The following CDH8 variants were observed in gnomAD, a reference collection of about 807,000 sequenced individuals.
CDH8 encodes the protein cadherin-8.
CDH8 carries 17 observed loss-of-function variants against 68.1 expected under a neutral mutation model. That is an observed-to-expected ratio of 0.25 (90% CI 0.17 to 0.37). CDH8 has a LOEUF of 0.37. Ranked by LOEUF, CDH8 falls within the 10% of genes least tolerant of loss-of-function variation. The pLI is 1.00. For synonymous variants in CDH8, 372 were observed against 365.1 expected (o/e 1.02, Z -0.21); for missense variants, 763 against 999.3 (o/e 0.76, Z 3.19).
intron 8 of CDH8, among the ~76,000 whole-genome samples, chr16:61,773,252 C>T (rs912279002): frequency 2.0e-5 from 3 of 152,002 alleles, no homozygotes. Flanking sequence ...ACTGTCTATC[C>T]CATGTAGTGG....
chr16:61,952,872 G>C (rs763770733), intron 2 of CDH8, among the ~76,000 whole-genome samples: 1 of 152,172 alleles, frequency 6.6e-6, no homozygotes, highest in African/African-American at 2.4e-5. Flanking sequence ...TGGATACAAA[G>C]AGATGACTTA....
chr16:61,791,775 ATGT>A (rs1035182376), intron 7 of CDH8, among the ~76,000 whole-genome samples: 1 of 152,064 alleles, frequency 6.6e-6, no homozygotes, highest in Non-Finnish European at 1.5e-5. Context: ...CATTTAAAAA[ATGT>A]TGTTGTTTGT....
At chr16:61,988,211 A>T (rs940809594) in intron 2 of CDH8, among the ~76,000 whole-genome samples, 2 of 140,324 alleles carry the variant, frequency 1.4e-5, no homozygotes, top group Admixed American at 1.5e-4. Context: ...GTTATATTTT[A>T]AAAAATAACA....
chr16:61,849,058 C>T (rs942563098), intron 4 of CDH8, among the ~76,000 whole-genome samples: 1 of 152,012 alleles, frequency 6.6e-6, no homozygotes, highest in African/African-American at 2.4e-5. Flanking sequence ...ACACTGGCCA[C>T]CAGCACAGTT....
At chr16:61,766,768 A>T (rs1960606754) in intron 8 of CDH8, among the ~76,000 whole-genome samples, 1 of 151,984 alleles carries the variant, frequency 6.6e-6, no homozygotes, top group Non-Finnish European at 1.5e-5. Context: ...TGGAGATAAC[A>T]TAACCTACCT....
chr16:62,008,489 T>A (rs915896714), intron 2 of CDH8, among the ~76,000 whole-genome samples: 10 of 152,026 alleles, frequency 6.6e-5, no homozygotes, highest in African/African-American at 2.2e-4. Flanking sequence ...ATAGGAACAT[T>A]TAAATGCATT....
rs1959480708 is a variant in CDH8 at position 61,729,695 on chromosome 16, T to G, written c.1415-2480A>C. Among the ~76,000 whole-genome samples, 3 of 151,416 alleles carry G rather than the reference T, an allele frequency of 2.0e-5. No homozygotes were observed. The South Asian group carries it at 6.2e-4, about 31-fold the overall frequency. ...GTGTGTGTAAATAATTAAAGAAACT[T>G]CTACTAGATATTTTTACTTTAATCT... is the stretch of plus-strand genomic sequence containing the variant. On this transcript the variant is annotated intron_variant, in intron 8 of 11. Transcript: ENST00000577390.
intron 10 of CDH8, among the ~76,000 whole-genome samples, chr16:61,657,898 G>A (rs1359647925): frequency 6.6e-6 from 1 of 151,934 alleles, no homozygotes; most frequent in African/African-American, 2.4e-5. Flanking sequence ...AGCATTGGTG[G>A]GTCTAACACT....
intron 10 of CDH8, chr16:61,711,759 A>G (rs1175581801): frequency 1.3e-5 from 2 of 151,744 alleles, no homozygotes; most frequent in Admixed American, 1.3e-4. Flanking sequence ...TAAATCCAAA[A>G]TCACAGTGAA....
chr16:61,676,676 A>C (rs2142790466), intron 10 of CDH8, among the ~76,000 whole-genome samples: 1 of 152,194 alleles, frequency 6.6e-6, no homozygotes, highest in South Asian at 2.1e-4. Flanking sequence ...AAGACTGAAT[A>C]TTTTTCCAAA....
At chr16:61,720,217 T>A (rs913168889) in intron 9 of CDH8, among the ~76,000 whole-genome samples, 1 of 150,902 alleles carries the variant, frequency 6.6e-6, no homozygotes, top group East Asian at 2.0e-4. Flanking sequence ...GTCTTCCCAG[T>A]ATTATCTCAG....
At chr16:61,702,392 GA>G (rs1964449315) in intron 10 of CDH8, among the ~76,000 whole-genome samples, 1 of 150,082 alleles carries the variant, frequency 6.7e-6, no homozygotes, top group African/African-American at 2.4e-5. Flanking sequence ...AAAAAAAAAA[GA>G]AAAAAGAAAA....
In CDH8 at chr16:61,649,384, C is replaced by A. The variant is rs887118333; in HGVS notation, c.*4224G>T. The A allele has an allele frequency of 3.3e-5, 5 of 151,350 alleles. No individual in the cohort carries two copies. The highest frequency in any genetic ancestry group is 7.4e-5 in the Non-Finnish European group (5 of 67,846). The allele number at this position is 151,350 out of a possible 1,614,324, so 9.4% of individuals were successfully genotyped here. A position where few individuals can be genotyped will look rare whatever the true frequency, so the allele number is the denominator to read the frequency against. On this transcript the variant is annotated 3_prime_UTR_variant, in exon 12 of 12. Coordinates refer to ENST00000577390, the MANE Select transcript of CDH8 (RefSeq NM_001796.5). ...ATGAAAAATTAAAACTATAAATTAT[C>A]CCCAGTAACTGAATTGTGTATATAT...
At chr16:61,669,156 A>G (rs897391585) in intron 10 of CDH8, among the ~76,000 whole-genome samples, 1 of 152,072 alleles carries the variant, frequency 6.6e-6, no homozygotes, top group Non-Finnish European at 1.5e-5. Context: ...ATTCACACAT[A>G]TGAAAATAAG....
chr16:61,782,095 C>T (rs1034115116), intron 8 of CDH8, among the ~76,000 whole-genome samples: 1 of 152,162 alleles, frequency 6.6e-6, no homozygotes, highest in Non-Finnish European at 1.5e-5. Flanking sequence ...GCCAAGATGG[C>T]CGAATAGGAA....
At chr16:61,952,815 T>C (rs926375116) in intron 2 of CDH8, among the ~76,000 whole-genome samples, 9 of 151,956 alleles carry the variant, frequency 5.9e-5, no homozygotes, top group African/African-American at 2.2e-4. Flanking sequence ...TCAAATTATA[T>C]CCCCTCTATG....
At chr16:61,909,675 A>G (rs1964126137) in intron 2 of CDH8, among the ~76,000 whole-genome samples, 1 of 152,194 alleles carries the variant, frequency 6.6e-6, no homozygotes, top group Non-Finnish European at 1.5e-5. Context: ...AAGCCTCTCT[A>G]CTTTGCTCCT....
intron 8 of CDH8, among the ~76,000 whole-genome samples, chr16:61,733,463 T>C (rs1026351631): frequency 6.6e-6 from 1 of 151,606 alleles, no homozygotes; most frequent in Non-Finnish European, 1.5e-5. Context: ...TAAAATAAAA[T>C]AATAAGAAAA....
At chr16:61,807,118 T>C (rs1961803028) in intron 7 of CDH8, among the ~76,000 whole-genome samples, 1 of 147,496 alleles carries the variant, frequency 6.8e-6, no homozygotes, top group East Asian at 2.0e-4. Flanking sequence ...GTGGCACATA[T>C]ACACCATGGA....
Sources: gnomAD v4.1 joint callset for allele counts (sites outside exome capture counted in the v4.1 genomes callset) on GRCh38, gnomAD v4.1.1 for gene constraint, MANE v1.5 for transcripts, NCBI Gene and HGNC (gene_info 2026-07-23, HGNC 2026-07-21) for gene names.